WWOX: variants seen among roughly 807,000 people sequenced by gnomAD.
WWOX encodes the protein WW domain-containing oxidoreductase.
WWOX carries 69 observed loss-of-function variants against 46.2 expected under a neutral mutation model. The ratio of observed to expected loss-of-function variants is 1.49; its 90% confidence interval spans 1.23 to 1.82. WWOX has a LOEUF of 1.82. Among genes scored for constraint, WWOX ranks in the 40% most tolerant of loss-of-function variants. WWOX has a pLI of 0.00. For synonymous variants in WWOX, 359 were observed against 202.6 expected (o/e 1.77, Z -6.56); for missense variants, 919 against 542.6 (o/e 1.69, Z -6.89).
chr16:78,835,445 C>T (rs1026273366), intron 8 of WWOX, among the ~76,000 whole-genome samples: 3 of 152,142 alleles, frequency 2.0e-5, no homozygotes, highest in South Asian at 2.1e-4. Context: ...ATGTTACAAG[C>T]GCCCATGAGC....
rs58363153 is a variant in WWOX, at chr16:78,433,014, AT to A, written c.1056+269del. Reference sequence around the variant, plus strand: ...GCTGAAAGTCCTTATGGAAATGGTGATTTTTTTGTTTGTTTGGTTTTGTTTT... The same window carrying A: ...GCTGAAAGTCCTTATGGAAATGGTGATTTTTTGTTTGTTTGGTTTTGTTTT... On this transcript the variant is annotated intron_variant, in intron 8 of 8. Coordinates refer to ENST00000566780, the MANE Select transcript of WWOX (RefSeq NM_016373.4). Among the ~76,000 whole-genome samples, 35,808 of 151,698 alleles carry A rather than the reference AT, an allele frequency of 0.24. 5,869 individuals are homozygous for A. Among genetic ancestry groups the A allele is most frequent in the African/African-American group, 0.45 (18,415 of 41,312 alleles).
In WWOX at chr16:78,136,076, A is replaced by G. The variant is rs73564567; in HGVS notation, c.409+20922A>G. On this transcript the variant is annotated intron_variant, in intron 4 of 8. Coordinates refer to ENST00000566780, the MANE Select transcript of WWOX (RefSeq NM_016373.4). Reference sequence around the variant, plus strand: ...CATGTCCATTTTGATGAATCTATTTATTACTTCTATAATGAGTAGTACACA... The same window carrying G: ...CATGTCCATTTTGATGAATCTATTTGTTACTTCTATAATGAGTAGTACACA... Among the ~76,000 whole-genome samples, 1,223 of 152,218 alleles carry G rather than the reference A, an allele frequency of 8.0e-3. 18 individuals carry two copies. Among genetic ancestry groups the G allele is most frequent in the African/African-American group, 0.028 (1,165 of 41,550 alleles).
chr16:78,834,054 A>G (rs1003887540), intron 8 of WWOX, among the ~76,000 whole-genome samples: 2 of 152,252 alleles, frequency 1.3e-5, no homozygotes, highest in Non-Finnish European at 2.9e-5. Flanking sequence ...CAGTCAAATC[A>G]GAACACTGCT....
At chr16:78,626,108 C>G (rs1567446137) in intron 8 of WWOX, among the ~76,000 whole-genome samples, 1 of 151,620 alleles carries the variant, frequency 6.6e-6, no homozygotes, top group African/African-American at 2.4e-5. Context: ...TTCCAGGAGC[C>G]CATCCAGGAT....
intron 8 of WWOX, chr16:79,101,421 A>G (rs1017433378): frequency 6.6e-6 from 1 of 152,164 alleles, no homozygotes; most frequent in Non-Finnish European, 1.5e-5. Context: ...AAATAGATGA[A>G]AGTTGGGTAA....
chr16:78,214,166 C>G (rs528953544), intron 5 of WWOX, among the ~76,000 whole-genome samples: 1 of 152,152 alleles, frequency 6.6e-6, no homozygotes, highest in Non-Finnish European at 1.5e-5. Flanking sequence ...TGGACCCTCA[C>G]GTCTCAGGAT....
chr16:79,193,153 A>T (rs1229430532), intron 8 of WWOX, among the ~76,000 whole-genome samples: 5 of 152,142 alleles, frequency 3.3e-5, no homozygotes, highest in African/African-American at 1.2e-4. Context: ...TTCTGCTGGA[A>T]TCTCCCAATA....
Position 78,428,355 on chromosome 16 carries a change from A to G in WWOX, c.791+3300A>G, listed in dbSNP as rs556199655. On this transcript the variant is annotated intron_variant, in intron 7 of 8. Coordinates refer to ENST00000566780, the MANE Select transcript of WWOX (RefSeq NM_016373.4). ...AAGCCGTTTCTGGCTCAGACAGATA[A>G]GAAGCTGGCCCACCCTTGCCACTTC... is the stretch of plus-strand genomic sequence containing the variant. 8.0e-3 allele frequency among the ~76,000 whole-genome samples: 1,219 copies of G among 152,296 alleles called. 11 individuals carry two copies. Among genetic ancestry groups the G allele is most frequent in the Non-Finnish European group, 8.6e-3 (586 of 68,032 alleles).
intron 8 of WWOX, among the ~76,000 whole-genome samples, chr16:78,914,539 T>C (rs2045196317): frequency 6.6e-6 from 1 of 151,852 alleles, no homozygotes; most frequent in South Asian, 2.1e-4. Context: ...ATGAAATGGA[T>C]TGAGTACAGA....
At chr16:79,109,522 A>T (rs1027388614) in intron 8 of WWOX, among the ~76,000 whole-genome samples, 1 of 152,188 alleles carries the variant, frequency 6.6e-6, no homozygotes, top group Non-Finnish European at 1.5e-5. Context: ...ATTATAATTT[A>T]TGGGATCTTG....
chr16:78,479,523 T>C (rs1298201213), intron 8 of WWOX, among the ~76,000 whole-genome samples: 1 of 152,218 alleles, frequency 6.6e-6, no homozygotes, highest in African/African-American at 2.4e-5. Context: ...TTGAATGAAG[T>C]CACTTTGTGG....
chr16:79,027,494 T>TCC, intron 8 of WWOX, among the ~76,000 whole-genome samples: 1 of 151,790 alleles, frequency 6.6e-6, no homozygotes, highest in Non-Finnish European at 1.5e-5. Context: ...GAATAAGAAC[T>TCC]AATGACTTCT....
intron 8 of WWOX, among the ~76,000 whole-genome samples, chr16:79,065,986 A>G (rs573299640): frequency 6.6e-6 from 1 of 152,318 alleles, no homozygotes; most frequent in South Asian, 2.1e-4. Flanking sequence ...ACCACCTTCC[A>G]ACATTTCCCT....
chr16:78,753,534 T>G (rs367706902), intron 8 of WWOX, among the ~76,000 whole-genome samples: 1 of 151,866 alleles, frequency 6.6e-6, no homozygotes, highest in Non-Finnish European at 1.5e-5. Context: ...GTGCAGTGGC[T>G]CATGCCTGTA....
At chr16:78,825,854 C>T (rs936528701) in intron 8 of WWOX, 3 of 635,548 alleles carry the variant, frequency 4.7e-6, no homozygotes, top group African/African-American at 1.8e-5. Context: ...GCCCTGGGAC[C>T]CCGCTGGTAA....
At chr16:78,825,724 T>C (rs936460820) in intron 8 of WWOX, 2 of 569,462 alleles carry the variant, frequency 3.5e-6, no homozygotes, top group Non-Finnish European at 6.7e-6. Context: ...GTCAAATCCA[T>C]GAGTTTGTGG....
At chr16:78,947,031 T>G (rs1372175221) in intron 8 of WWOX, among the ~76,000 whole-genome samples, 2 of 147,004 alleles carry the variant, frequency 1.4e-5, no homozygotes, top group African/African-American at 5.0e-5. Context: ...TCTGCCTCCG[T>G]AAAGGAGTAA....
At chr16:78,955,094 G>C (rs1256204819) in intron 8 of WWOX, among the ~76,000 whole-genome samples, 2 of 152,174 alleles carry the variant, frequency 1.3e-5, no homozygotes, top group African/African-American at 4.8e-5. Flanking sequence ...AAACTCCGCA[G>C]AGAGAAAGTG....
At chr16:79,182,313 G>T (rs1037880447) in intron 8 of WWOX, among the ~76,000 whole-genome samples, 2 of 151,986 alleles carry the variant, frequency 1.3e-5, no homozygotes, top group East Asian at 1.9e-4. Context: ...GCGCCATGTT[G>T]TCATCAAAAC....
Sources: gnomAD v4.1 joint callset for allele counts (sites outside exome capture counted in the v4.1 genomes callset) on GRCh38, gnomAD v4.1.1 for gene constraint, MANE v1.5 for transcripts, NCBI Gene and HGNC (gene_info 2026-07-23, HGNC 2026-07-21) for gene names.